C8orf34: variants seen among roughly 807,000 people sequenced by gnomAD.
C8orf34 encodes the protein uncharacterized protein C8orf34.
In C8orf34, 65 loss-of-function variants were observed where a neutral mutation model predicts 68.3. The observed-to-expected ratio is 0.95, with a 90% CI of 0.78 to 1.17. C8orf34 has a LOEUF of 1.17. Ranked by LOEUF, C8orf34 falls within the 50% of genes most tolerant of loss-of-function variation. The probability of loss-of-function intolerance (pLI) is 0.00; values close to 1 mark genes in which losing one functional copy is unlikely to be tolerated. For synonymous variants in C8orf34, 244 were observed against 241.2 expected, an observed-to-expected ratio of 1.01 and a Z score of -0.11; for missense variants, 664 against 655.4, an observed-to-expected ratio of 1.01 and a Z score of -0.14.
chr8:68,743,790 G>A (rs911625652), intron 10 of C8orf34, among the ~76,000 whole-genome samples: 69 of 152,302 alleles, frequency 4.5e-4, no homozygotes, highest in African/African-American at 1.5e-3. Flanking sequence ...ACTGCAAGGC[G>A]GCAGCAAGGC....
chr8:68,419,833 T>TG (rs1489173696), intron 1 of C8orf34, among the ~76,000 whole-genome samples: 1 of 51,376 alleles, frequency 1.9e-5, no homozygotes, highest in Admixed American at 3.3e-4. Context: ...TGTTGTGGGG[T>TG]GGGGGAAGGG....
At chr8:68,515,186 T>A (rs1268655921) in intron 5 of C8orf34, among the ~76,000 whole-genome samples, 1 of 152,126 alleles carries the variant, frequency 6.6e-6, no homozygotes, top group Non-Finnish European at 1.5e-5. Context: ...TTTCAAAAAG[T>A]AGTTTAATTA....
intron 7 of C8orf34, among the ~76,000 whole-genome samples, chr8:68,626,688 G>A (rs2130670929): frequency 6.6e-6 from 1 of 152,254 alleles, no homozygotes; most frequent in East Asian, 1.9e-4. Flanking sequence ...CATTAATAAA[G>A]TACACATAGG....
intron 7 of C8orf34, among the ~76,000 whole-genome samples, chr8:68,593,975 T>A (rs1817470494): frequency 6.6e-6 from 1 of 152,168 alleles, no homozygotes; most frequent in Non-Finnish European, 1.5e-5. Context: ...TTTCCCCAAA[T>A]GTTCTTTTTA....
chr8:68,360,814 G>A (rs962481324), intron 1 of C8orf34, among the ~76,000 whole-genome samples: 2 of 143,112 alleles, frequency 1.4e-5, no homozygotes, highest in Non-Finnish European at 3.0e-5. Flanking sequence ...GTGCAGTGGT[G>A]TGATCCTGGC....
chr8:68,455,586 T>C lies in C8orf34; in HGVS notation c.607+9126T>C, dbSNP rs192423583. Among the ~76,000 whole-genome samples, 423 of 152,292 alleles carry C rather than the reference T, an allele frequency of 2.8e-3. 3 individuals are homozygous for C. Among genetic ancestry groups the C allele is most frequent in the African/African-American group, 9.7e-3 (403 of 41,578 alleles). On this transcript the variant is annotated intron_variant, in intron 3 of 13. Coordinates refer to ENST00000518698, the MANE Select transcript of C8orf34 (RefSeq NM_052958.4). ...TCTTTTCATTAATATTTGCATGGAATATCTTTTGATCATTATTCCTTTATT... is the reference window on the plus strand; with the variant it reads ...TCTTTTCATTAATATTTGCATGGAACATCTTTTGATCATTATTCCTTTATT...
chr8:68,604,083 AT>A (rs769652609), intron 7 of C8orf34, among the ~76,000 whole-genome samples: 1 of 152,152 alleles, frequency 6.6e-6, no homozygotes, highest in South Asian at 2.1e-4. Flanking sequence ...AAATTATTGT[AT>A]GGAAAGCACT....
chr8:68,389,791 T>G (rs1203004500), intron 1 of C8orf34, among the ~76,000 whole-genome samples: 1 of 152,182 alleles, frequency 6.6e-6, no homozygotes. Flanking sequence ...TTCTATTTAC[T>G]TTTGAAAGCC....
chr8:68,563,556 G>A (rs1006016175), intron 7 of C8orf34, among the ~76,000 whole-genome samples: 1 of 152,016 alleles, frequency 6.6e-6, no homozygotes. Context: ...ACAGATCCCA[G>A]TGCTACAAAG....
chr8:68,704,585 T>C (rs924579792), intron 8 of C8orf34, among the ~76,000 whole-genome samples: 1 of 152,084 alleles, frequency 6.6e-6, no homozygotes, highest in Non-Finnish European at 1.5e-5. Context: ...AAAATCCTTG[T>C]GAGTCAAGGA....
intron 12 of C8orf34, among the ~76,000 whole-genome samples, chr8:68,797,424 TC>T (rs1010997883): frequency 6.6e-5 from 10 of 152,040 alleles, no homozygotes; most frequent in African/African-American, 2.4e-4. Context: ...ACTTCCCCTC[TC>T]ATTACTAGGA....
At chr8:68,527,217 C>G (rs1419147289) in intron 6 of C8orf34, among the ~76,000 whole-genome samples, 28 of 152,052 alleles carry the variant, frequency 1.8e-4, no homozygotes, top group Admixed American at 1.8e-3. Context: ...TATTAATTAC[C>G]ACTTAGAGGC....
At chr8:68,619,357 A>G (rs774816424) in intron 7 of C8orf34, among the ~76,000 whole-genome samples, 2 of 152,006 alleles carry the variant, frequency 1.3e-5, no homozygotes, top group Non-Finnish European at 2.9e-5. Flanking sequence ...AATAAAGGAG[A>G]GGTTGAATTT....
At chr8:68,683,672 G>C (rs1820432191) in intron 8 of C8orf34, among the ~76,000 whole-genome samples, 1 of 152,030 alleles carries the variant, frequency 6.6e-6, no homozygotes, top group South Asian at 2.1e-4. Context: ...AAATATACAT[G>C]AGAGTAAAAT....
chr8:68,598,236 T>C (rs1210065568), intron 7 of C8orf34, among the ~76,000 whole-genome samples: 1 of 152,134 alleles, frequency 6.6e-6, no homozygotes, highest in African/African-American at 2.4e-5. Flanking sequence ...ATGAAGACAG[T>C]ACAGATGGGC....
chr8:68,662,950 A>G (rs1819726642), intron 8 of C8orf34, among the ~76,000 whole-genome samples: 2 of 152,200 alleles, frequency 1.3e-5, no homozygotes, highest in African/African-American at 4.8e-5. Context: ...TTTTGAGCTG[A>G]TTGTTTTGAC....
chr8:68,430,268 G>A (rs1472387998), intron 1 of C8orf34, among the ~76,000 whole-genome samples: 3 of 152,122 alleles, frequency 2.0e-5, no homozygotes, highest in Non-Finnish European at 2.9e-5. Context: ...GGTGCACCCC[G>A]ACCCCACAGG....
rs1482356522 is a variant in C8orf34, at chr8:68,547,132, A to C, written c.1105+13983A>C. 4.0e-5 allele frequency among the ~76,000 whole-genome samples: 6 copies of C among 151,866 alleles called. No homozygotes were observed. In the East Asian group the frequency reaches 9.6e-4, roughly 24 times the overall value. On this transcript the variant is annotated intron_variant, in intron 7 of 13. Coordinates refer to ENST00000518698, the MANE Select transcript of C8orf34 (RefSeq NM_052958.4). ...GCAATGCCAACACTGAATAATTCTT[A>C]GTAGTACTGGCAAAGAAAAAAGTAG...
intron 1 of C8orf34, among the ~76,000 whole-genome samples, chr8:68,429,159 A>G (rs534407689): frequency 2.6e-5 from 4 of 152,294 alleles, no homozygotes; most frequent in South Asian, 4.1e-4. Context: ...ATCCCCCCAT[A>G]CAGATCTTAT....
Sources: gnomAD v4.1 joint callset for allele counts (sites outside exome capture counted in the v4.1 genomes callset) on GRCh38, gnomAD v4.1.1 for gene constraint, MANE v1.5 for transcripts, NCBI Gene and HGNC (gene_info 2026-07-23, HGNC 2026-07-21) for gene names.